The following SF3A1 variants were observed in gnomAD, a reference collection of about 807,000 sequenced individuals.
The protein encoded by SF3A1 is SAP 114.
A neutral mutation model predicts 89.9 loss-of-function variants in SF3A1; 13 were observed. The ratio of observed to expected loss-of-function variants is 0.14; its 90% CI spans 0.09 to 0.23. SF3A1 has a LOEUF of 0.23. Ranked by LOEUF, SF3A1 falls within the 10% of genes least tolerant of loss-of-function variation. The pLI, the probability that SF3A1 is intolerant of heterozygous loss-of-function variation, is 1.00. For missense variants in SF3A1, 604 were observed against 1,022.1 expected, an observed-to-expected ratio of 0.59 and a Z score of 5.58; for synonymous variants, 405 against 374.4, an observed-to-expected ratio of 1.08 and a Z score of -0.94.
chr22:30,346,471 GT>G lies in SF3A1; in HGVS notation c.233del (p.Asn78ThrfsTer7). 1 of 1,614,076 alleles carries G rather than the reference GT, an allele frequency of 6.2e-7. No homozygotes were observed. The highest frequency in any genetic ancestry group is 8.5e-7 in the Non-Finnish European group (1 of 1,179,994). ...EARIRQNEIN[N>X]PKFNFLNPND... ...TGGGGTTCAGAAAGTTGAACTTGGGGTTGTTGATCTCGTTCTGTCGGATCCT... is the reference window on the plus strand; with the variant it reads ...TGGGGTTCAGAAAGTTGAACTTGGGGTGTTGATCTCGTTCTGTCGGATCCT... On this transcript the variant is annotated frameshift_variant, in exon 3 of 16. Transcript: ENST00000215793. LOFTEE classifies it high-confidence loss of function.
At chr22:30,347,038 A>T (rs1412784581) in intron 2 of SF3A1, among the ~76,000 whole-genome samples, 3 of 152,224 alleles carry the variant, frequency 2.0e-5, no homozygotes, top group African/African-American at 7.2e-5. Flanking sequence ...CACCAAACCT[A>T]GACTTTGTCC....
intron 1 of SF3A1, among the ~76,000 whole-genome samples, chr22:30,353,310 A>T (rs975194338): frequency 6.6e-6 from 1 of 152,262 alleles, no homozygotes; most frequent in Middle Eastern, 3.4e-3. Flanking sequence ...GGACTATCTC[A>T]GTGAGACCAG....
intron 2 of SF3A1, chr22:30,352,530 CACA>C (rs1473716211): frequency 6.2e-6 from 1 of 162,332 alleles, no homozygotes; most frequent in African/African-American, 2.4e-5. Context: ...ACTCCCGCCT[CACA>C]ACAACTCTGA....
At chr22:30,355,139 G>A (rs998743121) in intron 1 of SF3A1, among the ~76,000 whole-genome samples, 4 of 151,734 alleles carry the variant, frequency 2.6e-5, no homozygotes, top group South Asian at 2.1e-4. Context: ...ATTCTCTCCC[G>A]AATAGTGGGG....
intron 1 of SF3A1, among the ~76,000 whole-genome samples, chr22:30,356,168 C>G (rs1009577524): frequency 3.9e-5 from 6 of 152,202 alleles, no homozygotes. Flanking sequence ...ATTTGGTGAG[C>G]ATTCTCATAT....
intron 8 of SF3A1, 119 bp from the exon 9 acceptor site, chr22:30,340,500 G>A: frequency 9.1e-7 from 1 of 1,095,924 alleles, no homozygotes; most frequent in Non-Finnish European, 1.4e-6. Flanking sequence ...TCTTGTACCT[G>A]GCACTGTGAA....
chr22:30,353,799 TGAG>T lies in SF3A1; in HGVS notation c.64-730_64-728del, dbSNP rs539733370. Among the ~76,000 whole-genome samples the T allele has an allele frequency of 8.7e-4, 132 of 152,324 alleles. 8 individuals carry two copies. In the South Asian group the frequency reaches 0.015, roughly 17 times the overall value. On this transcript the variant is annotated intron_variant, in intron 1 of 15. Coordinates refer to ENST00000215793, the MANE Select transcript of SF3A1 (RefSeq NM_005877.6). ...CCTCTTCCTTCTTTAATCCGGTGTC[TGAG>T]GAGTTTTGTCTGCGACTCGTCCTGC...
intron 2 of SF3A1, 37 bp from the exon 3 acceptor site, chr22:30,346,556 C>T: frequency 1.9e-6 from 3 of 1,608,536 alleles, no homozygotes; most frequent in African/African-American, 1.3e-5. Flanking sequence ...AAACACCACT[C>T]CCTTGTGCCT....
intron 2 of SF3A1, among the ~76,000 whole-genome samples, chr22:30,351,516 CTTGTT>C (rs1364652067): frequency 6.6e-6 from 1 of 152,188 alleles, no homozygotes; most frequent in East Asian, 1.9e-4. Flanking sequence ...CTCATTTTTA[CTTGTT>C]TTGTTTTTTT....
intron 7 of SF3A1, among the ~76,000 whole-genome samples, chr22:30,341,024 T>C (rs1931234735): frequency 7.1e-6 from 1 of 141,008 alleles, no homozygotes; most frequent in Non-Finnish European, 1.5e-5. Context: ...GTCCTAGCAC[T>C]CCTCCCAGGC....
Position 30,334,773 on chromosome 22 carries a change from T to C in SF3A1, c.2281-78A>G, listed in dbSNP as rs1470283175. On this transcript the variant is annotated intron_variant, in intron 15 of 15. Coordinates refer to ENST00000215793, the MANE Select transcript of SF3A1 (RefSeq NM_005877.6). The stretch of plus-strand genomic sequence containing the variant: ...CGCTGCAACCTTACAACTGTGCACT[T>C]GGTCTGTTTGCGCTCTGGACTTAGC... The C allele has an allele frequency of 8.1e-6, 8 of 991,728 alleles. No individual in the cohort carries two copies. In the East Asian group the frequency reaches 1.8e-4, roughly 23 times the overall value. 61.4% of individuals were successfully genotyped at this position (991,728 alleles called of 1,614,324 possible).
At chr22:30,352,507 G>GCCC (rs1931633330) in intron 2 of SF3A1, 1 of 158,416 alleles carries the variant, frequency 6.3e-6, no homozygotes, top group African/African-American at 2.4e-5. Context: ...ACTGCATGCA[G>GCCC]CCCCATGACC....
chr22:30,351,068 A>T (rs1931577473), intron 2 of SF3A1, among the ~76,000 whole-genome samples: 1 of 152,262 alleles, frequency 6.6e-6, no homozygotes, highest in Admixed American at 6.5e-5. Context: ...TGGGAGGCCC[A>T]GGTCGGGGGA....
At chr22:30,336,000 T>G (rs1931054593) in intron 13 of SF3A1, among the ~76,000 whole-genome samples, 1 of 152,184 alleles carries the variant, frequency 6.6e-6, no homozygotes, top group East Asian at 1.9e-4. Context: ...ACTGAAGAAC[T>G]TTAGTGAAAA....
chr22:30,356,706 G>A, intron 1 of SF3A1, 24 bp downstream of exon 1: 1 of 1,473,844 alleles, frequency 6.8e-7, no homozygotes, highest in Non-Finnish European at 9.0e-7. Flanking sequence ...TCCGGCTGCA[G>A]GCTGAGGGGC....
At chr22:30,338,690 C>G (rs1931154739) in intron 11 of SF3A1, 99 bp downstream of exon 11, 1 of 1,479,926 alleles carries the variant, frequency 6.8e-7, no homozygotes. Context: ...ACCCAACACT[C>G]AGGCCCCACT....
Position 30,337,780 on chromosome 22 carries a change from T to A in SF3A1, c.1861A>T (p.Ile621Phe). The stretch of plus-strand genomic sequence containing the variant: ...ACCACGTTGATTCTGGGCGCGTGGA[T>A]GATGGGCGGCATGGGGGCGATCACT... ...GSVIAPMPPI[I>F]HAPRINVVPM... is the part of the protein sequence containing the mutation. The change falls in exon 12 of 16, where the codon ATC becomes TTC. Residue 621 changes from isoleucine (I) to phenylalanine (F), a missense_variant. Coordinates refer to ENST00000215793, the MANE Select transcript of SF3A1 (RefSeq NM_005877.6). 1 of 1,596,428 alleles carries A rather than the reference T, an allele frequency of 6.3e-7. No individual in the cohort carries two copies. The highest frequency in any genetic ancestry group is 2.3e-5 in the East Asian group (1 of 44,256).
chr22:30,340,661 G>T, intron 8 of SF3A1, 34 bp downstream of exon 8: 2 of 1,353,158 alleles, frequency 1.5e-6, no homozygotes, highest in Non-Finnish European at 2.1e-6. Flanking sequence ...GACTTCCTGG[G>T]CAGCCCGAGG....
rs1931272592 is a variant in SF3A1 at position 30,341,957 on chromosome 22, A to G, written c.878-72T>C. 6 of 1,456,246 alleles carry G rather than the reference A, an allele frequency of 4.1e-6. No homozygotes were observed. The Admixed American group carries it at 9.5e-5, about 23-fold the overall frequency. 90.2% of individuals were successfully genotyped at this position (1,456,246 alleles called of 1,614,324 possible). On this transcript the variant is annotated intron_variant, in intron 6 of 15. Coordinates refer to ENST00000215793, the MANE Select transcript of SF3A1 (RefSeq NM_005877.6). ...CTATTTGCCCTGTCTGAGCTCCCCA[A>G]GGGCTGGGGCCATGTCTGTTTTCTC...
Sources: gnomAD v4.1 joint callset for allele counts (sites outside exome capture counted in the v4.1 genomes callset) on GRCh38, gnomAD v4.1.1 for gene constraint, MANE v1.5 for transcripts, NCBI Gene and HGNC (gene_info 2026-07-23, HGNC 2026-07-21) for gene names.